MED13L: variants seen among roughly 807,000 people sequenced by gnomAD.
The protein encoded by MED13L is mediator complex subunit 13L.
MED13L carries 7 observed loss-of-function variants against 220.9 expected under a neutral mutation model. The ratio of observed to expected loss-of-function variants is 0.03; its 90% CI spans 0.02 to 0.06. The LOEUF (loss-of-function observed/expected upper bound fraction) is 0.06. Ranked by LOEUF, MED13L falls within the 10% of genes least tolerant of loss-of-function variation. MED13L has a pLI of 1.00. For synonymous variants in MED13L, 1,011 were observed against 1,015.2 expected, an observed-to-expected ratio of 1.00 and a Z score of 0.08; for missense variants, 1,965 against 2,760.5, an observed-to-expected ratio of 0.71 and a Z score of 6.46.
At chr12:116,026,006 A>G in intron 4 of MED13L, among the ~76,000 whole-genome samples, 1 of 152,202 alleles carries the variant, frequency 6.6e-6, no homozygotes, top group Non-Finnish European at 1.5e-5. Flanking sequence ...TTAAAATAAA[A>G]TAGAATTCAA....
chr12:115,977,844 A>G (rs1159963839), intron 23 of MED13L, among the ~76,000 whole-genome samples: 2 of 152,120 alleles, frequency 1.3e-5, no homozygotes, highest in African/African-American at 4.8e-5. Flanking sequence ...AATTACAAAA[A>G]TTTAGCGAGG....
chr12:116,020,212 G>A (rs1259587101), intron 5 of MED13L, among the ~76,000 whole-genome samples: 3 of 151,970 alleles, frequency 2.0e-5, no homozygotes, highest in Admixed American at 6.6e-5. Flanking sequence ...TGATGCTCCC[G>A]CCTTAGCCAC....
intron 2 of MED13L, among the ~76,000 whole-genome samples, chr12:116,208,425 T>G (rs571663140): frequency 1.3e-5 from 2 of 152,110 alleles, no homozygotes; most frequent in Non-Finnish European, 2.9e-5. Context: ...CTGCAATAAA[T>G]TGAAACACAG....
intron 2 of MED13L, among the ~76,000 whole-genome samples, chr12:116,183,179 C>T (rs1565916973): frequency 6.6e-6 from 1 of 152,154 alleles, no homozygotes; most frequent in Non-Finnish European, 1.5e-5. Context: ...TTTATAACAA[C>T]TCCTTACCTG....
intron 4 of MED13L, among the ~76,000 whole-genome samples, chr12:116,090,639 C>T (rs1872121833): frequency 6.6e-6 from 1 of 151,894 alleles, no homozygotes; most frequent in African/African-American, 2.4e-5. Context: ...GAAATAAATG[C>T]TAAAACTGAA....
At chr12:116,110,997 C>A (rs952547867) in intron 3 of MED13L, among the ~76,000 whole-genome samples, 1 of 152,134 alleles carries the variant, frequency 6.6e-6, no homozygotes, top group Non-Finnish European at 1.5e-5. Context: ...ATGGATGTAA[C>A]TGGGACAACC....
At chr12:116,089,626 T>G (rs2137781581) in intron 4 of MED13L, among the ~76,000 whole-genome samples, 1 of 152,284 alleles carries the variant, frequency 6.6e-6, no homozygotes, top group South Asian at 2.1e-4. Context: ...AGCTGAAATT[T>G]TCCAAATTAA....
intron 2 of MED13L, among the ~76,000 whole-genome samples, chr12:116,146,040 T>G (rs1034540749): frequency 6.6e-5 from 10 of 152,214 alleles, no homozygotes; most frequent in African/African-American, 2.2e-4. Flanking sequence ...GCGGGCCGCA[T>G]GAGGCCCAGA....
At chr12:116,153,269 T>C (rs546568199) in intron 2 of MED13L, among the ~76,000 whole-genome samples, 2 of 152,266 alleles carry the variant, frequency 1.3e-5, no homozygotes, top group South Asian at 2.1e-4. Context: ...AGTGTTTAAC[T>C]GGAAGAAAAG....
At chr12:116,184,956 C>G (rs921872044) in intron 2 of MED13L, among the ~76,000 whole-genome samples, 3 of 152,110 alleles carry the variant, frequency 2.0e-5, no homozygotes, top group African/African-American at 7.2e-5. Context: ...CAAAAGAATA[C>G]ATTTAGAAAT....
At chr12:116,119,809 TAAAAAAAAAAAAAAAAAA>T in intron 2 of MED13L, among the ~76,000 whole-genome samples, 1 of 38,788 alleles carries the variant, frequency 2.6e-5, no homozygotes, top group Non-Finnish European at 4.4e-5. Context: ...CCCATATCTT[TAAAAAAAAAAAAAAAAAA>T]AAAAAAAAAA....
Position 115,984,278 on chromosome 12 carries a change from T to C in MED13L, c.4433A>G (p.Glu1478Gly). Residue 1478 changes from glutamate to glycine, a missense_variant, in exon 20 of 31, where the codon GAG (glutamate) becomes GGG (glycine). Transcript: ENST00000281928. ...CTGGTTAAACCACTCACTCACAAGC[T>C]CATCTGTCAGCTTCTGTGCCACAGT... ...GKTVAQKLTDELVSEWFNQPW... is the reference protein window; with the variant it reads ...GKTVAQKLTDGLVSEWFNQPW... 6.2e-7 allele frequency: 1 copy of C among 1,614,070 alleles called. No individual in the cohort carries two copies. The highest frequency in any genetic ancestry group is 8.5e-7 in the Non-Finnish European group (1 of 1,180,010).
intron 4 of MED13L, among the ~76,000 whole-genome samples, chr12:116,023,022 A>AT (rs1880153062): frequency 6.6e-6 from 1 of 152,194 alleles, no homozygotes; most frequent in African/African-American, 2.4e-5. Flanking sequence ...CTGACCCAGC[A>AT]TAACAGCTCA....
chr12:116,268,784 T>C (rs1873027120), intron 1 of MED13L, among the ~76,000 whole-genome samples: 1 of 152,222 alleles, frequency 6.6e-6, no homozygotes, highest in African/African-American at 2.4e-5. Context: ...CAATTACATA[T>C]TTTATTTGAA....
intron 1 of MED13L, among the ~76,000 whole-genome samples, chr12:116,248,108 C>T (rs973699221): frequency 6.6e-6 from 1 of 152,140 alleles, no homozygotes; most frequent in Non-Finnish European, 1.5e-5. Flanking sequence ...TCTAGCCGCA[C>T]ATTCAATCCT....
chr12:116,172,527 C>A (rs1049838803), intron 2 of MED13L, among the ~76,000 whole-genome samples: 1 of 152,170 alleles, frequency 6.6e-6, no homozygotes, highest in Non-Finnish European at 1.5e-5. Context: ...ATATTTTATA[C>A]AGTTTAAGTC....
chr12:116,120,473 T>TCACACA (rs1411878434), intron 2 of MED13L, among the ~76,000 whole-genome samples: 36 of 101,452 alleles, frequency 3.5e-4, no homozygotes, highest in East Asian at 2.4e-3. Context: ...TCTCTCTCTC[T>TCACACA]CTCTCACACA....
Position 116,277,559 on chromosome 12 carries a change from G to C in MED13L, c.-428C>G, listed in dbSNP as rs961612941. ...CGGAGCGCGAACTCGCGAAGGGGGG[G>C]GTGCGGACGAAGCCAGCGGGCGACC... On this transcript the variant is annotated 5_prime_UTR_variant, in exon 1 of 31. Transcript: ENST00000281928. 6.7e-6 allele frequency among the ~76,000 whole-genome samples: 1 copy of C among 149,474 alleles called. No homozygotes were observed. Among genetic ancestry groups the C allele is most frequent in the Non-Finnish European group, 1.5e-5 (1 of 66,924 alleles).
intron 4 of MED13L, among the ~76,000 whole-genome samples, chr12:116,037,877 A>G (rs1160251228): frequency 3.3e-5 from 5 of 152,204 alleles, no homozygotes; most frequent in African/African-American, 9.7e-5. Flanking sequence ...GTAAAAACTA[A>G]TATAATTTTC....
Sources: gnomAD v4.1 joint callset for allele counts (sites outside exome capture counted in the v4.1 genomes callset) on GRCh38, gnomAD v4.1.1 for gene constraint, MANE v1.5 for transcripts, NCBI Gene and HGNC (gene_info 2026-07-23, HGNC 2026-07-21) for gene names.